SLC24A3: variants seen among roughly 807,000 people sequenced by gnomAD.
SLC24A3 encodes solute carrier family 24 member 3.
SLC24A3 carries 28 observed loss-of-function variants against 75.8 expected under a neutral mutation model. The ratio of observed to expected loss-of-function variants is 0.37; its 90% CI spans 0.27 to 0.51. SLC24A3 has a LOEUF of 0.51. SLC24A3 is among the 20% of genes least tolerant of loss of function. The pLI, the probability that SLC24A3 is intolerant of heterozygous loss-of-function variation, is 0.94. For synonymous variants in SLC24A3, 372 were observed against 334.1 expected (o/e 1.11, Z -1.24); for missense variants, 663 against 847.8 (o/e 0.78, Z 2.71).
At position 19,591,443 on chromosome 20, in the gene SLC24A3, T is replaced by C. The variant is rs1035829997; in HGVS notation, c.612+5899T>C. On this transcript the variant is annotated intron_variant, in intron 6 of 16. Coordinates refer to ENST00000328041, the MANE Select transcript of SLC24A3 (RefSeq NM_020689.4). The stretch of plus-strand genomic sequence containing the variant: ...GACTTGATCAGGACTTCCAGCCCCA[T>C]TGTTGTGATTCTTTTATCTCTAATC... 3.9e-5 allele frequency among the ~76,000 whole-genome samples: 6 copies of C among 152,206 alleles called. No homozygotes were observed. The South Asian group carries it at 1.2e-3, about 32-fold the overall frequency.
At chr20:19,607,723 C>G (rs1441227152) in intron 6 of SLC24A3, among the ~76,000 whole-genome samples, 2 of 152,228 alleles carry the variant, frequency 1.3e-5, no homozygotes, top group African/African-American at 4.8e-5. Context: ...CAGACCTCCA[C>G]TCTTGGTCAA....
Position 19,325,840 on chromosome 20 carries a change from G to GAGAGA in SLC24A3, c.271+44753_271+44754insAGAGA, listed in dbSNP as rs1568589959. Among the ~76,000 whole-genome samples, 264 of 43,018 alleles carry GAGAGA rather than the reference G, an allele frequency of 6.1e-3. 24 individuals are homozygous for GAGAGA. The highest frequency in any genetic ancestry group is 6.9e-3 in the Admixed American group (26 of 3,790). 28.2% of individuals were successfully genotyped at this position (43,018 alleles called of 152,430 possible). A position where few individuals can be genotyped will look rare whatever the true frequency, so the allele number is the denominator to read the frequency against. ...GAGAGAGAGAGAGAGAGAGAGAGAG[G>GAGAGA]GAGACATCTGGAGGAGGGGGACCCA... is the stretch of plus-strand genomic sequence containing the variant. On this transcript the variant is annotated intron_variant, in intron 2 of 16. Coordinates refer to ENST00000328041, the MANE Select transcript of SLC24A3 (RefSeq NM_020689.4).
At chr20:19,385,479 T>A (rs903604858) in intron 2 of SLC24A3, among the ~76,000 whole-genome samples, 3 of 152,218 alleles carry the variant, frequency 2.0e-5, no homozygotes, top group African/African-American at 7.2e-5. Context: ...GGCTTTTTGT[T>A]CTGTTCCATT....
chr20:19,307,030 T>G (rs2122254738), intron 2 of SLC24A3, among the ~76,000 whole-genome samples: 1 of 152,286 alleles, frequency 6.6e-6, no homozygotes, highest in South Asian at 2.1e-4. Flanking sequence ...CTGGCTGTTC[T>G]CTTCCCTGGT....
intron 2 of SLC24A3, among the ~76,000 whole-genome samples, chr20:19,393,300 G>A (rs565026829): frequency 1.3e-5 from 2 of 152,184 alleles, no homozygotes; most frequent in African/African-American, 2.4e-5. Context: ...AAGAAACAAA[G>A]CACACTCACA....
At chr20:19,678,516 A>C (rs1190491314) in intron 9 of SLC24A3, among the ~76,000 whole-genome samples, 4 of 98,676 alleles carry the variant, frequency 4.1e-5, no homozygotes, top group Admixed American at 1.1e-4. Context: ...CGGGGGGCTG[A>C]CCCCCCAACC....
intron 1 of SLC24A3, among the ~76,000 whole-genome samples, chr20:19,239,141 A>T (rs965325694): frequency 1.3e-5 from 2 of 151,354 alleles, no homozygotes; most frequent in East Asian, 3.9e-4. Flanking sequence ...AAAAAAAACA[A>T]CACAGAGTAA....
rs1487570366 is a variant in SLC24A3 at position 19,558,434 on chromosome 20, A to C, written c.349-21566A>C. Among the ~76,000 whole-genome samples, 4 of 152,052 alleles carry C rather than the reference A, an allele frequency of 2.6e-5. No homozygotes were observed. In the East Asian group the frequency reaches 7.7e-4, roughly 29 times the overall value. On this transcript the variant is annotated intron_variant, in intron 3 of 16. Coordinates refer to ENST00000328041, the MANE Select transcript of SLC24A3 (RefSeq NM_020689.4). ...CTTACATAATCACAGTGCAATTATC[A>C]AGATCACAAATTTGACGTCTACAGA...
At chr20:19,572,197 A>G (rs938514172) in intron 3 of SLC24A3, among the ~76,000 whole-genome samples, 1 of 152,146 alleles carries the variant, frequency 6.6e-6, no homozygotes, top group African/African-American at 2.4e-5. Context: ...ACGTAAAAAA[A>G]CTAGCAAGGC....
chr20:19,501,017 A>G (rs900634152), intron 2 of SLC24A3, among the ~76,000 whole-genome samples: 4 of 152,092 alleles, frequency 2.6e-5, no homozygotes, highest in Admixed American at 6.6e-5. Context: ...TACTTTATGG[A>G]TCTCTTTTAA....
intron 2 of SLC24A3, among the ~76,000 whole-genome samples, chr20:19,323,531 G>A (rs913848221): frequency 6.6e-6 from 1 of 152,158 alleles, no homozygotes; most frequent in Non-Finnish European, 1.5e-5. Flanking sequence ...GCCTTGTGGA[G>A]CAAACAGGAC....
intron 9 of SLC24A3, among the ~76,000 whole-genome samples, chr20:19,678,863 C>T (rs1175525357): frequency 2.7e-5 from 4 of 150,260 alleles, no homozygotes; most frequent in African/African-American, 7.4e-5. Context: ...ACCTCCCAGA[C>T]GGGGTCGCGG....
At chr20:19,596,382 G>T (rs993939693) in intron 6 of SLC24A3, among the ~76,000 whole-genome samples, 6 of 152,178 alleles carry the variant, frequency 3.9e-5, no homozygotes, top group Admixed American at 6.5e-5. Context: ...CTGGATATTT[G>T]CCCTGAGCAG....
chr20:19,455,128 A>T (rs1428042172), intron 2 of SLC24A3, among the ~76,000 whole-genome samples: 1 of 152,202 alleles, frequency 6.6e-6, no homozygotes, highest in Non-Finnish European at 1.5e-5. Flanking sequence ...AGTCACCATT[A>T]TTGGTTGATG....
chr20:19,362,632 T>C (rs989042108), intron 2 of SLC24A3, among the ~76,000 whole-genome samples: 33 of 152,190 alleles, frequency 2.2e-4, no homozygotes, highest in Admixed American at 6.5e-4. Flanking sequence ...AGATAGCCGA[T>C]GTTTGGAGAA....
chr20:19,675,347 T>A (rs3790287), intron 9 of SLC24A3, among the ~76,000 whole-genome samples: 69,286 of 152,066 alleles, frequency 0.46, 17,103 homozygotes, highest in South Asian at 0.63. Context: ...ACATATCAGG[T>A]GGCAGTCTGG....
intron 6 of SLC24A3, among the ~76,000 whole-genome samples, chr20:19,623,200 G>A (rs1568676204): frequency 6.6e-6 from 1 of 152,144 alleles, no homozygotes; most frequent in Non-Finnish European, 1.5e-5. Flanking sequence ...GTCTTTAATT[G>A]AACAAGTGGC....
Position 19,340,427 on chromosome 20 carries a change from C to T in SLC24A3, c.271+59340C>T, listed in dbSNP as rs546071477. Among the ~76,000 whole-genome samples the T allele has an allele frequency of 2.6e-5, 4 of 152,346 alleles. No homozygotes were observed. The East Asian group carries it at 5.8e-4, about 22-fold the overall frequency. On this transcript the variant is annotated intron_variant, in intron 2 of 16. Transcript: ENST00000328041. ...TTGCTGACACCTTGATCTAGGACTT[C>T]TAGCCTCCAGAACTGTCAGAGAATA...
chr20:19,699,400 C>G (rs546289741), intron 15 of SLC24A3, among the ~76,000 whole-genome samples: 1 of 152,166 alleles, frequency 6.6e-6, no homozygotes, highest in Non-Finnish European at 1.5e-5. Context: ...CAGTCAGGCT[C>G]TTATGAATTG....
Sources: allele counts gnomAD v4.1 joint callset (sites outside exome capture counted in the v4.1 genomes callset), GRCh38; gene constraint gnomAD v4.1.1; transcripts MANE v1.5; gene names NCBI Gene and HGNC (gene_info 2026-07-23, HGNC 2026-07-21).